PDE1C: variants seen among roughly 807,000 people sequenced by gnomAD.
PDE1C encodes dual specificity calcium/calmodulin-dependent 3',5'-cyclic nucleotide phosphodiesterase 1C.
Under a neutral mutation model 93.1 loss-of-function variants are expected in PDE1C, and 62 were observed. The ratio of observed to expected loss-of-function variants is 0.67; its 90% CI spans 0.54 to 0.82. The LOEUF (loss-of-function observed/expected upper bound fraction) is 0.82, where lower values mean the gene tolerates loss of function less well. PDE1C is among the 40% of genes least tolerant of loss of function. The pLI, the probability that PDE1C is intolerant of heterozygous loss-of-function variation, is 0.00. For missense variants in PDE1C, 742 were observed against 884.6 expected (o/e 0.84, Z 2.04); for synonymous variants, 325 against 310.1 (o/e 1.05, Z -0.50).
chr7:31,776,755 G>A (rs572410135), intron 16 of PDE1C, among the ~76,000 whole-genome samples: 7 of 152,072 alleles, frequency 4.6e-5, no homozygotes, highest in Admixed American at 2.0e-4. Context: ...CCAGATTCTA[G>A]CAACACGGCA....
chr7:31,950,442 C>G (rs991706679), intron 2 of PDE1C, among the ~76,000 whole-genome samples: 2 of 152,134 alleles, frequency 1.3e-5, no homozygotes, highest in Non-Finnish European at 2.9e-5. Context: ...TCTCATGGCA[C>G]CCCAATTTCC....
chr7:32,184,503 A>G (rs560648857), intron 2 of PDE1C, among the ~76,000 whole-genome samples: 13 of 152,336 alleles, frequency 8.5e-5, no homozygotes, highest in Non-Finnish European at 1.6e-4. Flanking sequence ...CTTTGTAGGG[A>G]CATGATGAAG....
chr7:31,696,370 A>G, the PDE1C span, among the ~76,000 whole-genome samples: 3 of 152,240 alleles, frequency 2.0e-5, no homozygotes, highest in Non-Finnish European at 2.9e-5. Context: ...TGAAATATGC[A>G]GTAAGAAGTG....
chr7:31,667,178 G>A, the PDE1C span, among the ~76,000 whole-genome samples: 8 of 152,232 alleles, frequency 5.3e-5, no homozygotes, highest in East Asian at 1.9e-4. Context: ...ACTGATGTCC[G>A]GCTGACCTAC....
chr7:32,425,904 G>A (rs573554175), intron 1 of PDE1C, among the ~76,000 whole-genome samples: 1 of 152,160 alleles, frequency 6.6e-6, no homozygotes, highest in South Asian at 2.1e-4. Flanking sequence ...TCGCACCACT[G>A]CAGACAGTGC....
At chr7:31,927,460 GCCT>G in intron 2 of PDE1C, among the ~76,000 whole-genome samples, 1 of 152,266 alleles carries the variant, frequency 6.6e-6, no homozygotes, top group Admixed American at 6.5e-5. Context: ...GGGACAGACT[GCCT>G]CCTCAAGTGG....
At chr7:32,373,155 T>C (rs1784361787) in intron 1 of PDE1C, among the ~76,000 whole-genome samples, 1 of 152,208 alleles carries the variant, frequency 6.6e-6, no homozygotes, top group African/African-American at 2.4e-5. Flanking sequence ...CAAAAACTTG[T>C]ACATGAATGT....
At chr7:32,206,519 C>T (rs572909827) in intron 2 of PDE1C, among the ~76,000 whole-genome samples, 79 of 152,304 alleles carry the variant, frequency 5.2e-4, no homozygotes, top group Non-Finnish European at 5.9e-4. Flanking sequence ...CAGCTGACTT[C>T]ATCCCAGAAG....
chr7:31,973,417 A>G (rs1811230983), intron 2 of PDE1C, among the ~76,000 whole-genome samples: 1 of 152,212 alleles, frequency 6.6e-6, no homozygotes, highest in Non-Finnish European at 1.5e-5. Flanking sequence ...CATAAGTAAA[A>G]TTCTGAAAAC....
At chr7:31,875,612 T>C (rs1482461683) in intron 5 of PDE1C, among the ~76,000 whole-genome samples, 1 of 151,548 alleles carries the variant, frequency 6.6e-6, no homozygotes, top group Non-Finnish European at 1.5e-5. Flanking sequence ...TTCCTGTTAG[T>C]CTAACACAAA....
At chr7:32,093,246 G>GT (rs1336749110) in intron 3 of PDE1C, among the ~76,000 whole-genome samples, 3 of 152,214 alleles carry the variant, frequency 2.0e-5, no homozygotes, top group Non-Finnish European at 2.9e-5. Context: ...AGTCACAAGA[G>GT]TGGAGTCCTT....
intron 2 of PDE1C, among the ~76,000 whole-genome samples, chr7:32,204,934 C>G (rs1805313090): frequency 6.6e-6 from 1 of 152,200 alleles, no homozygotes; most frequent in African/African-American, 2.4e-5. Flanking sequence ...CAAACCAACT[C>G]ATCTGTGTTA....
At chr7:32,303,945 G>A (rs1475940640), upstream of PDE1C, among the ~76,000 whole-genome samples, 1 of 152,180 alleles carries the variant, frequency 6.6e-6, no homozygotes, top group Admixed American at 6.5e-5. Context: ...AGAGTTTGGG[G>A]AGAATTTTAT....
chr7:31,700,378 A>G, the PDE1C span, among the ~76,000 whole-genome samples: 2 of 152,156 alleles, frequency 1.3e-5, no homozygotes, highest in Admixed American at 1.3e-4. Flanking sequence ...TACTCTCTTC[A>G]GTTATATGAA....
At chr7:32,045,258 A>G (rs1383611307) in intron 2 of PDE1C, among the ~76,000 whole-genome samples, 1 of 151,748 alleles carries the variant, frequency 6.6e-6, no homozygotes, top group Admixed American at 6.6e-5. Context: ...CCTTTCTCAC[A>G]TTAACTGCCC....
chr7:32,162,358 C>A (rs1334996924), intron 3 of PDE1C, among the ~76,000 whole-genome samples: 2 of 152,060 alleles, frequency 1.3e-5, no homozygotes, highest in Non-Finnish European at 2.9e-5. Context: ...AAGTGATGCA[C>A]CAGCAGAGAA....
rs578238416 is a variant in PDE1C at position 31,857,911 on chromosome 7, A to G, written c.750+7031T>C. Reference sequence around the variant, plus strand: ...ACAATAGCACATTCAAAGGGCAAAAAAAGAGGAGTTCCTGAAATTAAAAAT... The same window carrying G: ...ACAATAGCACATTCAAAGGGCAAAAGAAGAGGAGTTCCTGAAATTAAAAAT... On this transcript the variant is annotated intron_variant, in intron 7 of 17. Coordinates refer to ENST00000396191, the MANE Select transcript of PDE1C (RefSeq NM_001191057.4). Among the ~76,000 whole-genome samples, 16 of 152,328 alleles carry G rather than the reference A, an allele frequency of 1.1e-4. No individual in the cohort carries two copies. The South Asian group carries it at 3.3e-3, about 32-fold the overall frequency.
At chr7:32,329,081 A>G (rs1783461926) in intron 1 of PDE1C, among the ~76,000 whole-genome samples, 1 of 152,126 alleles carries the variant, frequency 6.6e-6, no homozygotes, top group South Asian at 2.1e-4. Context: ...AAAATGAAAA[A>G]ATTAGTCAGG....
At chr7:31,640,171 A>G in the PDE1C span, among the ~76,000 whole-genome samples, 7 of 152,314 alleles carry the variant, frequency 4.6e-5, no homozygotes, top group East Asian at 1.2e-3. Context: ...TTACTCCTGA[A>G]GCAAGACACT....
Sources: allele counts gnomAD v4.1 joint callset (sites outside exome capture counted in the v4.1 genomes callset), GRCh38; gene constraint gnomAD v4.1.1; transcripts MANE v1.5; gene names NCBI Gene and HGNC (gene_info 2026-07-23, HGNC 2026-07-21).